The following USP40 variants were observed in gnomAD, a reference collection of about 807,000 sequenced individuals.
The protein encoded by USP40 is ubiquitin carboxyl-terminal hydrolase 40.
In USP40, 143 loss-of-function variants were observed where a neutral mutation model predicts 166.2. That is an observed-to-expected ratio of 0.86 (90% CI 0.75 to 0.99). USP40 has a LOEUF of 0.99. Ranked by LOEUF, USP40 falls within the 50% of genes least tolerant of loss-of-function variation. USP40 has a pLI of 0.00. For missense variants in USP40, 1,444 were observed against 1,479.7 expected, an observed-to-expected ratio of 0.98 and a Z score of 0.40; for synonymous variants, 498 against 524.0, an observed-to-expected ratio of 0.95 and a Z score of 0.68.
At chr2:233,552,871 G>A (rs1480469607) in intron 6 of USP40, among the ~76,000 whole-genome samples, 1 of 152,114 alleles carries the variant, frequency 6.6e-6, no homozygotes, top group Non-Finnish European at 1.5e-5. Flanking sequence ...TCAGCTATAG[G>A]AATAGTGCTA....
intron 6 of USP40, among the ~76,000 whole-genome samples, chr2:233,552,141 A>G (rs2070625477): frequency 6.6e-6 from 1 of 151,946 alleles, no homozygotes; most frequent in South Asian, 2.1e-4. Context: ...AAAATTACCC[A>G]TAATCATATA....
At chr2:233,518,664 T>C (rs1255910147) in intron 18 of USP40, among the ~76,000 whole-genome samples, 1 of 151,884 alleles carries the variant, frequency 6.6e-6, no homozygotes, top group Non-Finnish European at 1.5e-5. Flanking sequence ...GGAGTATAAA[T>C]GGTTCAGTCA....
intron 5 of USP40, among the ~76,000 whole-genome samples, chr2:233,555,462 A>G (rs2070988860): frequency 1.3e-5 from 2 of 152,208 alleles, no homozygotes; most frequent in Non-Finnish European, 2.9e-5. Flanking sequence ...AGTAACATTT[A>G]TACAGTATAT....
In USP40 at chr2:233,529,433, T is replaced by G; in HGVS notation, c.1551A>C (p.Lys517Asn). ...MDAANIELQT[K>N]RAECDSANNT... ...CTCTAAAAGCAATTTAAAATTACCT[T>G]TTGGTTTGCAGTTCAATGTTAGCTG... Residue 517 changes from lysine (K) to asparagine (N), a missense_variant and splice_region_variant, in exon 12 of 32, where the codon AAA becomes AAC. Lys to Asn is a moderately conservative substitution (Grantham distance 94). Transcript: ENST00000678225. The G allele has an allele frequency of 1.3e-6, 2 of 1,562,604 alleles. No individual in the cohort carries two copies. Among genetic ancestry groups the G allele is most frequent in the Non-Finnish European group, 8.7e-7 (1 of 1,151,636 alleles).
At chr2:233,563,940 G>A (rs1186862136) in intron 2 of USP40, among the ~76,000 whole-genome samples, 2 of 152,132 alleles carry the variant, frequency 1.3e-5, no homozygotes, top group African/African-American at 4.8e-5. Context: ...TCCCTTTGAG[G>A]CTACGTTTCT....
At chr2:233,487,760 G>C (rs946524993) in intron 28 of USP40, 4 of 257,790 alleles carry the variant, frequency 1.6e-5, no homozygotes, top group African/African-American at 9.1e-5. Context: ...TACTATTCTA[G>C]GTATTAAGGA....
intron 24 of USP40, among the ~76,000 whole-genome samples, chr2:233,494,962 A>ATATTTATT: frequency 1.4e-5 from 1 of 71,386 alleles, no homozygotes; most frequent in Admixed American, 1.3e-4. Flanking sequence ...ATATTTATAT[A>ATATTTATT]TATATATATA....
In USP40 at chr2:233,510,648, C is replaced by T. The variant is rs141095526; in HGVS notation, c.2527-513G>A. ...TGAACTCCTGACTTCAGGTGATCCA[C>T]CCGCCTCAGCCTCCCAAAGGGTTGG... is the stretch of plus-strand genomic sequence containing the variant. On this transcript the variant is annotated intron_variant, in intron 20 of 31. Transcript: ENST00000678225. Among the ~76,000 whole-genome samples the T allele has an allele frequency of 9.9e-5, 15 of 152,112 alleles. No homozygotes were observed. The East Asian group carries it at 2.1e-3, about 22-fold the overall frequency.
chr2:233,478,421 G>GTGAA (rs562616023), intron 31 of USP40, among the ~76,000 whole-genome samples: 226 of 152,276 alleles, frequency 1.5e-3, no homozygotes, highest in Non-Finnish European at 2.7e-3. Flanking sequence ...TTTATCATGA[G>GTGAA]TGAATGGCTG....
intron 5 of USP40, chr2:233,556,578 CCA>C (rs1267843603): frequency 5.1e-5 from 10 of 195,116 alleles, no homozygotes; most frequent in African/African-American, 2.3e-4. Context: ...TCACATGAGG[CCA>C]CAGTCTTCTA....
At chr2:233,490,358 G>T (rs2065259615) in intron 26 of USP40, among the ~76,000 whole-genome samples, 8 of 150,696 alleles carry the variant, frequency 5.3e-5, no homozygotes, top group Admixed American at 5.3e-4. Context: ...TTTTAGCAGA[G>T]ACAGGGTTTT....
At position 233,477,038 on chromosome 2, in the gene USP40, G is replaced by A. The variant is rs1432965611; in HGVS notation, c.*354C>T. On this transcript the variant is annotated 3_prime_UTR_variant, in exon 32 of 32. Transcript: ENST00000678225. ...CCTGACCCCACACACCTCCCACAGC[G>A]GAGCAACGGCATGCCGCTGCCTCCA... is the stretch of plus-strand genomic sequence containing the variant. The A allele has an allele frequency of 2.0e-5, 7 of 350,692 alleles. No individual in the cohort carries two copies. Among genetic ancestry groups the A allele is most frequent in the Middle Eastern group, 1.0e-3 (1 of 980 alleles). The allele number at this position is 350,692 out of a possible 1,614,324, so 21.7% of individuals were successfully genotyped here. A position where few individuals can be genotyped will look rare whatever the true frequency, so the allele number is the denominator to read the frequency against.
chr2:233,514,704 G>A (rs888011094), intron 18 of USP40, among the ~76,000 whole-genome samples: 5 of 152,210 alleles, frequency 3.3e-5, no homozygotes, highest in Admixed American at 3.3e-4. Context: ...AGGGAGACAA[G>A]TTTCATGGGA....
intron 10 of USP40, among the ~76,000 whole-genome samples, chr2:233,539,960 C>T (rs914811352): frequency 1.3e-5 from 2 of 151,344 alleles, no homozygotes; most frequent in African/African-American, 4.8e-5. Context: ...ATGGCAAAAC[C>T]CTGTCTCTAC....
At position 233,509,837 on chromosome 2, in the gene USP40, C is replaced by CT. The variant is rs201403979; in HGVS notation, c.2613+211dup. ...GCCTGGGTGACAGAGTTGAGACTCT[C>CT]TAAAAAAAAAAAAAAAAAAAAAAAA... On this transcript the variant is annotated intron_variant, in intron 21 of 31. Coordinates refer to ENST00000678225, the MANE Select transcript of USP40 (RefSeq NM_001365479.2). Among the ~76,000 whole-genome samples the CT allele has an allele frequency of 1.4e-3, 138 of 99,412 alleles. 1 individual carries two copies. The highest frequency in any genetic ancestry group is 5.3e-3 in the African/African-American group (131 of 24,538). The allele number at this position is 99,412 out of a possible 152,430, so 65.2% of individuals were successfully genotyped here. A position where few individuals can be genotyped will look rare whatever the true frequency, so the allele number is the denominator to read the frequency against.
intron 5 of USP40, among the ~76,000 whole-genome samples, chr2:233,555,517 T>C (rs1043404633): frequency 7.2e-5 from 11 of 152,166 alleles, no homozygotes; most frequent in African/African-American, 2.7e-4. Context: ...TAATTTATAA[T>C]GGCCTTACAT....
chr2:233,481,105 A>G, intron 31 of USP40, 98 bp downstream of exon 31: 1 of 1,191,454 alleles, frequency 8.4e-7, no homozygotes, highest in Non-Finnish European at 1.2e-6. Flanking sequence ...ACTCTGAATC[A>G]ACAAGAGTTT....
rs1376154231 is a variant in USP40, at chr2:233,520,993, T to C, written c.2323A>G (p.Thr775Ala). ...KQVKISATVN[T>A]MVFDIRIKAI... is the part of the protein sequence containing the mutation. ...ACCTTTAATTATATTCTACTCACTG[T>C]GTTAACAGTTGCTGATATTTTAACT... The change falls in exon 17 of 32, where the codon ACA becomes GCA. Residue 775 changes from threonine to alanine, a missense_variant and splice_region_variant. Transcript: ENST00000678225. 1 of 1,612,442 alleles carries C rather than the reference T, an allele frequency of 6.2e-7. No homozygotes were observed. The highest frequency in any genetic ancestry group is 1.7e-5 in the Admixed American group (1 of 59,860).
rs187163626 is a variant in USP40 at position 233,502,476 on chromosome 2, T to C, written c.2614-2561A>G. Among the ~76,000 whole-genome samples, 725 of 152,262 alleles carry C rather than the reference T, an allele frequency of 4.8e-3. 6 individuals carry two copies. The highest frequency in any genetic ancestry group is 5.2e-3 in the Non-Finnish European group (356 of 68,016). Reference sequence around the variant, plus strand: ...CTCCAATGAATATTTTCTTTGAGTGTCATGTCAAAGGGTCAAAAAGTGCTC... The same window carrying C: ...CTCCAATGAATATTTTCTTTGAGTGCCATGTCAAAGGGTCAAAAAGTGCTC... On this transcript the variant is annotated intron_variant, in intron 21 of 31. Coordinates refer to ENST00000678225, the MANE Select transcript of USP40 (RefSeq NM_001365479.2).
Sources: gnomAD v4.1 joint callset for allele counts (sites outside exome capture counted in the v4.1 genomes callset) on GRCh38, gnomAD v4.1.1 for gene constraint, MANE v1.5 for transcripts, NCBI Gene and HGNC (gene_info 2026-07-23, HGNC 2026-07-21) for gene names.